The following LUC7L2 variants were observed in gnomAD, a reference collection of about 807,000 sequenced individuals.
LUC7L2 encodes LUC7 like 2, pre-mRNA splicing factor.
A neutral mutation model predicts 52.8 loss-of-function variants in LUC7L2; 25 were observed. That is an observed-to-expected ratio of 0.47 (90% CI 0.34 to 0.66). LUC7L2 has a LOEUF of 0.66. Among genes scored for constraint, LUC7L2 ranks in the 30% least tolerant of loss-of-function variants. The probability of loss-of-function intolerance (pLI) is 0.01; values close to 1 mark genes in which losing one functional copy is unlikely to be tolerated. For synonymous variants in LUC7L2, 144 were observed against 160.9 expected (o/e 0.89, Z 0.80); for missense variants, 328 against 497.8 (o/e 0.66, Z 3.25).
At chr7:139,341,438 G>A (rs1231100732) in intron 1 of LUC7L2, 3 of 1,613,568 alleles carry the variant, frequency 1.9e-6, no homozygotes, top group East Asian at 2.2e-5. Context: ...TGCGGGAGTT[G>A]CGCTACCTGA....
intron 1 of LUC7L2, 49 bp from the exon 2 acceptor site, chr7:139,376,013 A>T: frequency 6.3e-7 from 1 of 1,598,332 alleles, no homozygotes. Context: ...CTCAGAAAAT[A>T]CTTTCCAGTT....
rs140608203 is a variant in LUC7L2 at position 139,340,779 on chromosome 7, G to A, written c.-26+262G>A. Among the ~76,000 whole-genome samples the A allele has an allele frequency of 1.8e-3, 266 of 151,726 alleles. 3 individuals carry two copies. Among genetic ancestry groups the A allele is most frequent in the African/African-American group, 5.8e-3 (240 of 41,498 alleles). On this transcript the variant is annotated intron_variant, in intron 1 of 10. Coordinates refer to the LUC7L2 transcript ENST00000541170. ...TCGAGTCCCATCTGGGGTGGCCTGT[G>A]ACTTTTGTCCTTTTTTCCCCTTTCT... is the stretch of plus-strand genomic sequence containing the variant.
At chr7:139,399,600 G>T (rs1794812463) in intron 3 of LUC7L2, among the ~76,000 whole-genome samples, 1 of 151,494 alleles carries the variant, frequency 6.6e-6, no homozygotes, top group Non-Finnish European at 1.5e-5. Context: ...CTACCGAGTA[G>T]CCGGGACTAC....
At chr7:139,345,462 C>G (rs370455583) in intron 1 of LUC7L2, 35 of 1,612,442 alleles carry the variant, frequency 2.2e-5, no homozygotes, top group Non-Finnish European at 4.2e-6. Flanking sequence ...ACCTGTATCT[C>G]TAGCTGGGTT....
Position 139,359,933 on chromosome 7 carries a change from GC to G in LUC7L2, c.-328del. The G allele has an allele frequency of 2.4e-6, 1 of 421,244 alleles. No homozygotes were observed. The highest frequency in any genetic ancestry group is 4.2e-6 in the Non-Finnish European group (1 of 237,864). 26.1% of individuals were successfully genotyped at this position (421,244 alleles called of 1,614,324 possible). A position where few individuals can be genotyped will look rare whatever the true frequency, so the allele number is the denominator to read the frequency against. On this transcript the variant is annotated 5_prime_UTR_variant, in exon 1 of 10. Transcript: ENST00000354926. ...GACGGTGGCGGCGAGCGGCGTCAGAGCTTGAGGGGGGGTTGACGGCTTCTGG... is the reference window on the plus strand; with the variant it reads ...GACGGTGGCGGCGAGCGGCGTCAGAGTTGAGGGGGGGTTGACGGCTTCTGG...
At position 139,343,927 on chromosome 7, in the gene LUC7L2, A is replaced by C. The variant is rs754771824; in HGVS notation, c.-26+3410A>C. On this transcript the variant is annotated intron_variant, in intron 1 of 10. Coordinates refer to the LUC7L2 transcript ENST00000541170. Reference sequence around the variant, plus strand: ...GGCAACAAAGTGAGACCCTGTCCCCAAAAAAAAAAAAAAAAAAAAGAGTTG... The same window carrying C: ...GGCAACAAAGTGAGACCCTGTCCCCCAAAAAAAAAAAAAAAAAAAGAGTTG... 5.4e-3 allele frequency among the ~76,000 whole-genome samples: 708 copies of C among 131,422 alleles called. 5 individuals are homozygous for C. Among genetic ancestry groups the C allele is most frequent in the South Asian group, 0.013 (54 of 4,118 alleles). 86.2% of individuals were successfully genotyped at this position (131,422 alleles called of 152,430 possible).
chr7:139,341,923 C>A (rs1002427465), intron 1 of LUC7L2, among the ~76,000 whole-genome samples: 1 of 152,194 alleles, frequency 6.6e-6, no homozygotes, highest in African/African-American at 2.4e-5. Context: ...ATCTGGCCAA[C>A]AATTTCCTCA....
Position 139,423,248 on chromosome 7 carries a change from C to A in LUC7L2, c.*908C>A, listed in dbSNP as rs1233923425. Reference sequence around the variant, plus strand: ...TATTCTGTTACGTCATTAACAGTGCCTTACTGTGCAAGGCACCAAAGGACA... The same window carrying A: ...TATTCTGTTACGTCATTAACAGTGCATTACTGTGCAAGGCACCAAAGGACA... On this transcript the variant is annotated 3_prime_UTR_variant, in exon 10 of 10. Coordinates refer to ENST00000354926, the MANE Select transcript of LUC7L2 (RefSeq NM_016019.5). 1 of 399,002 alleles carries A rather than the reference C, an allele frequency of 2.5e-6. No individual in the cohort carries two copies. The highest frequency in any genetic ancestry group is 4.4e-6 in the Non-Finnish European group (1 of 226,070). 24.7% of individuals were successfully genotyped at this position (399,002 alleles called of 1,614,324 possible).
chr7:139,360,288 G>T lies in LUC7L2; in HGVS notation c.27G>T (p.Ala9=), dbSNP rs1358150705. The T allele has an allele frequency of 1.9e-6, 3 of 1,571,252 alleles. No homozygotes were observed. The highest frequency in any genetic ancestry group is 2.7e-5 in the African/African-American group (2 of 73,762). Reference sequence around the variant, plus strand: ...TGTCGGCGCAGGCCCAGATGCGCGCGATGCTGGACCAGTTGATGGGCACCT... The same window carrying T: ...TGTCGGCGCAGGCCCAGATGCGCGCTATGCTGGACCAGTTGATGGGCACCT... The part of the protein sequence containing the change: MSAQAQMR[A]MLDQLMGTSR... The change falls in exon 1 of 10, where the codon GCG becomes GCT. Residue 9 remains alanine, a synonymous_variant. Transcript: ENST00000354926.
Position 139,360,196 on chromosome 7 carries a change from A to G in LUC7L2, c.-66A>G, listed in dbSNP as rs1317734437. On this transcript the variant is annotated 5_prime_UTR_variant, in exon 1 of 10. Transcript: ENST00000354926. ...GCACCTTCCCCCATCCCTTCCCCTT[A>G]TCCCCCAGCCCAAAAGGGCCCGGTC... The G allele has an allele frequency of 7.9e-7, 1 of 1,258,136 alleles. No homozygotes were observed. Among genetic ancestry groups the G allele is most frequent in the African/African-American group, 1.6e-5 (1 of 64,034 alleles). 77.9% of individuals were successfully genotyped at this position (1,258,136 alleles called of 1,614,324 possible).
intron 3 of LUC7L2, among the ~76,000 whole-genome samples, chr7:139,400,550 C>T (rs1053914101): frequency 2.6e-5 from 4 of 152,022 alleles, no homozygotes; most frequent in African/African-American, 7.2e-5. Context: ...TAGTTCTAAA[C>T]GCTTTTCTTT....
intron 8 of LUC7L2, chr7:139,416,705 C>CT (rs1379041945): frequency 6.6e-6 from 1 of 152,144 alleles, no homozygotes; most frequent in African/African-American, 2.4e-5. Context: ...GGCCCTTACT[C>CT]TGTTTTGATT....
chr7:139,370,607 A>T (rs1384451985), intron 1 of LUC7L2, among the ~76,000 whole-genome samples: 2 of 152,104 alleles, frequency 1.3e-5, no homozygotes, highest in African/African-American at 4.8e-5. Flanking sequence ...GACCTGTGCC[A>T]CTACACCCAG....
At chr7:139,382,690 A>T (rs1294327371) in intron 2 of LUC7L2, among the ~76,000 whole-genome samples, 1 of 152,140 alleles carries the variant, frequency 6.6e-6, no homozygotes, top group African/African-American at 2.4e-5. Flanking sequence ...ACCATGCCCA[A>T]CCTAAAGTAA....
intron 1 of LUC7L2, chr7:139,340,991 T>G (rs777638325): frequency 3.3e-5 from 6 of 182,968 alleles, no homozygotes; most frequent in Non-Finnish European, 5.6e-5. Flanking sequence ...CTTTTATAAA[T>G]CATTTAAAAA....
rs548269155 is a variant in LUC7L2 at position 139,408,147 on chromosome 7, G to C, written c.687+797G>C. Among the ~76,000 whole-genome samples, 3 of 152,272 alleles carry C rather than the reference G, an allele frequency of 2.0e-5. No individual in the cohort carries two copies. In the East Asian group the frequency reaches 5.8e-4, roughly 29 times the overall value. On this transcript the variant is annotated intron_variant, in intron 6 of 9. Coordinates refer to ENST00000354926, the MANE Select transcript of LUC7L2 (RefSeq NM_016019.5). Reference sequence around the variant, plus strand: ...GGTCCATAGCATTTAAAATAATATAGAATCAGAAAATGCCTAGGGACATCT... The same window carrying C: ...GGTCCATAGCATTTAAAATAATATACAATCAGAAAATGCCTAGGGACATCT...
rs150090080 is a variant in LUC7L2, at chr7:139,365,176, T to C, written c.61+4854T>C. 5.4e-3 allele frequency among the ~76,000 whole-genome samples: 827 copies of C among 152,330 alleles called. 10 individuals carry two copies. Among genetic ancestry groups the C allele is most frequent in the African/African-American group, 0.018 (761 of 41,578 alleles). Reference sequence around the variant, plus strand: ...AAGAAAAGTTTTCCTCATTTTGCATTTTGAACTCTGAATAATATTTCTATC... The same window carrying C: ...AAGAAAAGTTTTCCTCATTTTGCATCTTGAACTCTGAATAATATTTCTATC... On this transcript the variant is annotated intron_variant, in intron 1 of 9. Transcript: ENST00000354926.
chr7:139,356,999 CTT>C (rs2131166272), upstream of LUC7L2, among the ~76,000 whole-genome samples: 1 of 152,138 alleles, frequency 6.6e-6, no homozygotes, highest in Admixed American at 6.5e-5. Context: ...GAGCATATAA[CTT>C]GGGATGAGAG....
Position 139,407,086 on chromosome 7 carries a change from A to G in LUC7L2, c.511-88A>G, listed in dbSNP as rs1585125164. ...CACTTTTGTGTATTTTTTAGAAAACACTTTTGGTATAAGCATAGTATATTT... is the reference window on the plus strand; with the variant it reads ...CACTTTTGTGTATTTTTTAGAAAACGCTTTTGGTATAAGCATAGTATATTT... On this transcript the variant is annotated intron_variant, in intron 5 of 9. Coordinates refer to ENST00000354926, the MANE Select transcript of LUC7L2 (RefSeq NM_016019.5). 3.9e-6 allele frequency: 5 copies of G among 1,282,210 alleles called. No homozygotes were observed. The East Asian group carries it at 1.5e-4, about 37-fold the overall frequency. The allele number at this position is 1,282,210 out of a possible 1,614,324, so 79.4% of individuals were successfully genotyped here. A position where few individuals can be genotyped will look rare whatever the true frequency, so the allele number is the denominator to read the frequency against.
Sources: allele counts gnomAD v4.1 joint callset (sites outside exome capture counted in the v4.1 genomes callset), GRCh38; gene constraint gnomAD v4.1.1; transcripts MANE v1.5; gene names NCBI Gene and HGNC (gene_info 2026-07-23, HGNC 2026-07-21).